Variants in TTC6 observed in about 807,000 individuals in gnomAD.
TTC6 encodes the protein tetratricopeptide repeat protein 6.
A neutral mutation model predicts 210.4 loss-of-function variants in TTC6; 172 were observed. That is an observed-to-expected ratio of 0.82 (90% CI 0.72 to 0.93). The LOEUF (loss-of-function observed/expected upper bound fraction) is 0.93. TTC6 is among the 40% of genes least tolerant of loss of function. TTC6 has a pLI of 0.00. For synonymous variants in TTC6, 804 were observed against 819.6 expected (o/e 0.98, Z 0.32); for missense variants, 2,414 against 2,318.1 (o/e 1.04, Z -0.85).
At chr14:37,681,433 CTTGA>C (rs1342725231) in intron 2 of TTC6, among the ~76,000 whole-genome samples, 4 of 152,218 alleles carry the variant, frequency 2.6e-5, no homozygotes, top group South Asian at 2.1e-4. Flanking sequence ...TAGATATCGT[CTTGA>C]TTATTTAAAA....
intron 9 of TTC6, 30 bp downstream of exon 11, chr14:37,737,764 A>G: frequency 8.1e-7 from 1 of 1,234,878 alleles, no homozygotes. Context: ...TTTACTCTCT[A>G]AAAGAAACAT....
chr14:37,636,346 A>G (rs191738144), intron 1 of TTC6, among the ~76,000 whole-genome samples: 2 of 152,188 alleles, frequency 1.3e-5, no homozygotes, highest in Admixed American at 6.5e-5. Context: ...CGTGGATCAT[A>G]TACTAAGATG....
Position 37,649,591 on chromosome 14 carries a change from G to A in TTC6, c.939+26588G>A, listed in dbSNP as rs560664195. On this transcript the variant is annotated intron_variant, in intron 1 of 30. Transcript: ENST00000553443. The stretch of plus-strand genomic sequence containing the variant: ...CTGGTTCCCAGGATTTTTGAAGCCC[G>A]AAAGCCGGAAAGAGGCTCTTGTCTG... 3.3e-5 allele frequency among the ~76,000 whole-genome samples: 5 copies of A among 152,270 alleles called. 2 individuals carry two copies. The highest frequency in any genetic ancestry group is 4.1e-4 in the South Asian group (2 of 4,822).
chr14:37,748,958 C>T (rs2095943889), exon 11 of TTC6: 1 of 1,515,890 alleles, frequency 6.6e-7, no homozygotes, highest in Non-Finnish European at 8.8e-7. Context: ...TCATGGAATA[C>T]TTCCGGGACA....
At chr14:37,708,257 A>G (rs1434941552) in intron 5 of TTC6, among the ~76,000 whole-genome samples, 1 of 152,114 alleles carries the variant, frequency 6.6e-6, no homozygotes, top group Non-Finnish European at 1.5e-5. Context: ...TTACAAATCA[A>G]ATGTATAAGG....
In TTC6 at chr14:37,735,919, A is replaced by G; in HGVS notation, c.1819-2A>G. 6.6e-7 allele frequency: 1 copy of G among 1,513,802 alleles called. No individual in the cohort carries two copies. The highest frequency in any genetic ancestry group is 8.9e-7 in the Non-Finnish European group (1 of 1,129,584). 93.8% of individuals were successfully genotyped at this position (1,513,802 alleles called of 1,614,324 possible). ...TTTAAAATTGTTATCTTTTTATCAC[A>G]GAGTGTTCAAGCAAGCAGACTTTTA... is the stretch of plus-strand genomic sequence containing the variant. On this transcript the variant is annotated splice_acceptor_variant, in intron 7 of 30. Transcript: ENST00000553443. LOFTEE classifies it high-confidence loss of function.
intron 14 of TTC6, among the ~76,000 whole-genome samples, chr14:37,773,074 C>A (rs1171550793): frequency 6.6e-6 from 1 of 152,136 alleles, no homozygotes; most frequent in East Asian, 1.9e-4. Context: ...TGTTCATGTC[C>A]TTGGCCCACT....
At chr14:37,822,346 A>T (rs1378295985) in intron 26 of TTC6, among the ~76,000 whole-genome samples, 3 of 152,194 alleles carry the variant, frequency 2.0e-5, no homozygotes, top group African/African-American at 7.2e-5. Context: ...AGGAAGGGGT[A>T]GTTTGGGAAT....
chr14:37,817,123 T>C (rs2096143870), intron 25 of TTC6, among the ~76,000 whole-genome samples: 1 of 152,172 alleles, frequency 6.6e-6, no homozygotes, highest in South Asian at 2.1e-4. Context: ...ACAGACCCTT[T>C]CCCCAACCTG....
exon 23 of TTC6, chr14:37,807,339 C>T: frequency 6.5e-7 from 1 of 1,529,178 alleles, no homozygotes; most frequent in Non-Finnish European, 8.8e-7. Context: ...AGCCGAGTAG[C>T]ATTCTATGGT....
At chr14:37,644,718 T>C (rs2095698512) in intron 1 of TTC6, among the ~76,000 whole-genome samples, 1 of 152,188 alleles carries the variant, frequency 6.6e-6, no homozygotes, top group South Asian at 2.1e-4. Context: ...CTGCAATATT[T>C]AGCCCTGTGC....
intron 8 of TTC6, 27 bp downstream of exon 10, chr14:37,736,037 G>A (rs1361899636): frequency 8.1e-7 from 1 of 1,228,500 alleles, no homozygotes; most frequent in Non-Finnish European, 1.1e-6. Flanking sequence ...TTCTTAATTA[G>A]GATTGTTTAC....
intron 1 of TTC6, among the ~76,000 whole-genome samples, chr14:37,649,235 T>C (rs2095706886): frequency 6.6e-6 from 1 of 152,196 alleles, no homozygotes; most frequent in African/African-American, 2.4e-5. Flanking sequence ...TGAGATGATA[T>C]AATGCTCCAC....
intron 29 of TTC6, among the ~76,000 whole-genome samples, chr14:37,835,614 TGTAA>T (rs2096195975): frequency 2.0e-5 from 3 of 152,056 alleles, no homozygotes; most frequent in African/African-American, 7.2e-5. Flanking sequence ...TCTCCATGGA[TGTAA>T]GTATTAGTCA....
chr14:37,658,960 G>A lies in TTC6; in HGVS notation c.940-21191G>A, dbSNP rs570852229. ...CCTCAAGTAGGCCCCAGTATCTGTT[G>A]CTCCCTTGTGTCCATGAGTTCCTTC... On this transcript the variant is annotated intron_variant, in intron 1 of 30. Transcript: ENST00000553443. Among the ~76,000 whole-genome samples the A allele has an allele frequency of 5.3e-4, 81 of 151,998 alleles. 1 individual carries two copies. The highest frequency in any genetic ancestry group is 1.9e-3 in the African/African-American group (78 of 41,460).
At chr14:37,700,750 C>A (rs1475349649) in intron 4 of TTC6, among the ~76,000 whole-genome samples, 31 of 62,278 alleles carry the variant, frequency 5.0e-4, no homozygotes, top group Non-Finnish European at 5.4e-4. Context: ...CTCCATCTCA[C>A]AAAAAAAAAA....
intron 2 of TTC6, among the ~76,000 whole-genome samples, chr14:37,612,217 C>T (rs77336086): frequency 0.015 from 2,321 of 152,256 alleles, 25 homozygotes; most frequent in Middle Eastern, 0.027. Context: ...CCTCTTTGCT[C>T]TTCATCCCTG....
chr14:37,686,840 G>A (rs1368626258), intron 3 of TTC6, among the ~76,000 whole-genome samples: 1 of 152,176 alleles, frequency 6.6e-6, no homozygotes, highest in African/African-American at 2.4e-5. Context: ...GGAATTATGG[G>A]AGCTACAATT....
intron 7 of TTC6, among the ~76,000 whole-genome samples, chr14:37,735,288 A>G (rs2095898551): frequency 6.6e-6 from 1 of 152,206 alleles, no homozygotes; most frequent in Non-Finnish European, 1.5e-5. Flanking sequence ...AAAAAAGCAA[A>G]GTAGTAGTAT....
Sources: gnomAD v4.1 joint callset for allele counts (sites outside exome capture counted in the v4.1 genomes callset) on GRCh38, gnomAD v4.1.1 for gene constraint, MANE v1.5 for transcripts, NCBI Gene and HGNC (gene_info 2026-07-23, HGNC 2026-07-21) for gene names.